Variants in ZNF385B observed in about 807,000 individuals in gnomAD.
ZNF385B encodes the protein zinc finger protein 533.
Under a neutral mutation model 39.2 loss-of-function variants are expected in ZNF385B, and 23 were observed. The ratio of observed to expected loss-of-function variants is 0.59; its 90% CI spans 0.42 to 0.83. The LOEUF is 0.83. ZNF385B is among the 40% of genes least tolerant of loss of function. ZNF385B has a pLI of 0.00. For missense variants in ZNF385B, 552 were observed against 598.9 expected (o/e 0.92, Z 0.82); for synonymous variants, 205 against 222.6 (o/e 0.92, Z 0.70).
intron 5 of ZNF385B, among the ~76,000 whole-genome samples, chr2:179,488,565 G>A (rs895560351): frequency 6.6e-6 from 1 of 152,238 alleles, no homozygotes; most frequent in Middle Eastern, 3.4e-3. Context: ...CAAAGTGACT[G>A]GGGAAAGACA....
At chr2:179,478,950 G>A (rs923409376) in intron 6 of ZNF385B, among the ~76,000 whole-genome samples, 1 of 152,142 alleles carries the variant, frequency 6.6e-6, no homozygotes, top group Admixed American at 6.5e-5. Context: ...AATTTGGGTA[G>A]AGTGTCTGGC....
At chr2:179,707,671 G>A (rs1699712443) in intron 3 of ZNF385B, among the ~76,000 whole-genome samples, 1 of 152,210 alleles carries the variant, frequency 6.6e-6, no homozygotes. Flanking sequence ...AGCCCAAGCA[G>A]CCCCCAACTT....
At chr2:179,522,530 G>GT (rs36090541) in intron 4 of ZNF385B, among the ~76,000 whole-genome samples, 115,239 of 151,988 alleles carry the variant, frequency 0.76, 43,969 homozygotes, top group East Asian at 0.91. Flanking sequence ...TCAAAACTAT[G>GT]TTCTATATCA....
At chr2:179,625,828 C>G (rs1370865110) in intron 3 of ZNF385B, among the ~76,000 whole-genome samples, 9 of 152,184 alleles carry the variant, frequency 5.9e-5, no homozygotes, top group African/African-American at 1.9e-4. Flanking sequence ...AAGATCCTTC[C>G]TGCCTAAAAG....
chr2:179,466,915 CAAAAAAA>C (rs777679885), intron 6 of ZNF385B, among the ~76,000 whole-genome samples: 582 of 26,850 alleles, frequency 0.022, no homozygotes, highest in Non-Finnish European at 0.03. Flanking sequence ...GCAAGACTGT[CAAAAAAA>C]AAAAAAAAAA....
At chr2:179,443,924 G>A (rs186345245) in intron 9 of ZNF385B, among the ~76,000 whole-genome samples, 25 of 152,160 alleles carry the variant, frequency 1.6e-4, no homozygotes, top group Admixed American at 7.9e-4. Context: ...AGGACTTTAG[G>A]GACCCTGAAG....
At chr2:179,541,661 T>G (rs1439121959) in intron 4 of ZNF385B, among the ~76,000 whole-genome samples, 5 of 152,214 alleles carry the variant, frequency 3.3e-5, no homozygotes, top group Non-Finnish European at 7.3e-5. Flanking sequence ...CAATATACTT[T>G]AAAAATTTGC....
At chr2:179,747,821 C>T (rs1702468692) in intron 3 of ZNF385B, among the ~76,000 whole-genome samples, 1 of 152,076 alleles carries the variant, frequency 6.6e-6, no homozygotes, top group African/African-American at 2.4e-5. Context: ...TATAATGCCG[C>T]ACTGGGGTCT....
chr2:179,461,642 A>G (rs558086162), intron 6 of ZNF385B, among the ~76,000 whole-genome samples: 1 of 152,286 alleles, frequency 6.6e-6, no homozygotes, highest in South Asian at 2.1e-4. Context: ...TGACTGATTG[A>G]GTCATCTTAA....
chr2:179,510,589 C>T lies in ZNF385B; in HGVS notation c.552+7939G>A, dbSNP rs576465907. On this transcript the variant is annotated intron_variant, in intron 5 of 9. Coordinates refer to ENST00000410066, the MANE Select transcript of ZNF385B (RefSeq NM_152520.6). ...GTTGGTTTGAGTTTCAAGTAACATGCTCAATATATTTTTTAACCCTCTAAA... is the reference window on the plus strand; with the variant it reads ...GTTGGTTTGAGTTTCAAGTAACATGTTCAATATATTTTTTAACCCTCTAAA... Among the ~76,000 whole-genome samples, 152 of 152,006 alleles carry T rather than the reference C, an allele frequency of 1.0e-3. 1 individual carries two copies. Among genetic ancestry groups the T allele is most frequent in the African/African-American group, 3.4e-3 (142 of 41,470 alleles).
At position 179,773,887 on chromosome 2, in the gene ZNF385B, T is replaced by A. The variant is rs564272982; in HGVS notation, c.-154-3215A>T. 2.4e-4 allele frequency among the ~76,000 whole-genome samples: 36 copies of A among 152,340 alleles called. No individual in the cohort carries two copies. The East Asian group carries it at 6.6e-3, about 28-fold the overall frequency. ...TTTATTCATCTTTGTATCCTCAGCA[T>A]CTAAGATTGTGTTTTGTATAAAATA... On this transcript the variant is annotated intron_variant, in intron 1 of 9. Transcript: ENST00000410066.
chr2:179,848,550 C>T (rs1419501839), intron 1 of ZNF385B, among the ~76,000 whole-genome samples: 1 of 152,204 alleles, frequency 6.6e-6, no homozygotes, highest in East Asian at 1.9e-4. Flanking sequence ...GTCACCATTG[C>T]TCAGTCAAAG....
At chr2:179,503,681 A>G (rs576688158) in intron 5 of ZNF385B, among the ~76,000 whole-genome samples, 2 of 148,844 alleles carry the variant, frequency 1.3e-5, no homozygotes, top group Admixed American at 1.3e-4. Context: ...CCTGTGTCCA[A>G]GTGTTCTCAT....
intron 1 of ZNF385B, among the ~76,000 whole-genome samples, chr2:179,808,587 T>C (rs1215207777): frequency 6.6e-6 from 1 of 152,226 alleles, no homozygotes; most frequent in Non-Finnish European, 1.5e-5. Flanking sequence ...ATATTTCAAG[T>C]ATTTCATAAT....
intron 3 of ZNF385B, among the ~76,000 whole-genome samples, chr2:179,557,152 G>A (rs1052529619): frequency 1.3e-5 from 2 of 149,216 alleles, no homozygotes; most frequent in Admixed American, 6.7e-5. Context: ...ACTGATGTTA[G>A]AACCAAACCT....
intron 5 of ZNF385B, among the ~76,000 whole-genome samples, chr2:179,493,681 A>ACATATGCGTATACGCATATGCATATATG (rs2055652662): frequency 1.7e-5 from 2 of 117,190 alleles, no homozygotes; most frequent in Non-Finnish European, 3.6e-5. Context: ...ATGCATATAC[A>ACATATGCGTATACGCATATGCATATATG]TATACACATA....
intron 3 of ZNF385B, among the ~76,000 whole-genome samples, chr2:179,693,629 G>A (rs1698515524): frequency 6.6e-6 from 1 of 152,116 alleles, no homozygotes; most frequent in South Asian, 2.1e-4. Context: ...TGACATTGGT[G>A]TCCTGCTCCA....
intron 3 of ZNF385B, among the ~76,000 whole-genome samples, chr2:179,664,052 TA>T (rs202241504): frequency 3.8e-5 from 5 of 132,444 alleles, no homozygotes; most frequent in Admixed American, 8.1e-5. Flanking sequence ...TAGTTTTAAG[TA>T]AAAAATATTT....
chr2:179,628,934 C>T (rs965522662), intron 3 of ZNF385B, among the ~76,000 whole-genome samples: 3 of 152,108 alleles, frequency 2.0e-5, no homozygotes, highest in African/African-American at 7.2e-5. Flanking sequence ...TAACAGAAAG[C>T]TTATTTTCTT....
Sources: gnomAD v4.1 joint callset for allele counts (sites outside exome capture counted in the v4.1 genomes callset) on GRCh38, gnomAD v4.1.1 for gene constraint, MANE v1.5 for transcripts, NCBI Gene and HGNC (gene_info 2026-07-23, HGNC 2026-07-21) for gene names.